The following KCNH5 variants were observed in gnomAD, a reference collection of about 807,000 sequenced individuals.
The protein encoded by KCNH5 is voltage-gated delayed rectifier potassium channel KCNH5.
A neutral mutation model predicts 96.1 loss-of-function variants in KCNH5; 46 were observed. The ratio of observed to expected loss-of-function variants is 0.48; its 90% CI spans 0.38 to 0.61. The LOEUF is 0.61. Among genes scored for constraint, KCNH5 ranks in the 20% least tolerant of loss-of-function variants. The pLI, the probability that KCNH5 is intolerant of heterozygous loss-of-function variation, is 0.00. For missense variants in KCNH5, 907 were observed against 1,225.8 expected, an observed-to-expected ratio of 0.74 and a Z score of 3.88; for synonymous variants, 439 against 449.8, an observed-to-expected ratio of 0.98 and a Z score of 0.30.
chr14:62,752,116 T>G (rs1045154508), intron 10 of KCNH5, among the ~76,000 whole-genome samples: 13 of 152,174 alleles, frequency 8.5e-5, no homozygotes, highest in African/African-American at 2.9e-4. Flanking sequence ...GATTGCCCCT[T>G]TGATAGTTCC....
intron 8 of KCNH5, among the ~76,000 whole-genome samples, chr14:62,834,826 G>C (rs928263605): frequency 4.6e-5 from 7 of 151,928 alleles, no homozygotes; most frequent in Non-Finnish European, 5.9e-5. Flanking sequence ...GTTTTACTGG[G>C]ACACAACAAT....
At chr14:63,023,380 A>C (rs192007367) in intron 1 of KCNH5, among the ~76,000 whole-genome samples, 11 of 152,214 alleles carry the variant, frequency 7.2e-5, no homozygotes, top group Non-Finnish European at 1.5e-4. Context: ...GAACTAATAC[A>C]TTTTTGCAGG....
chr14:62,946,781 G>C (rs552660974), intron 7 of KCNH5, among the ~76,000 whole-genome samples: 1 of 152,178 alleles, frequency 6.6e-6, no homozygotes, highest in East Asian at 1.9e-4. Flanking sequence ...AACTTAGATG[G>C]ATCTCAGGGG....
chr14:62,943,472 G>T (rs754506508), intron 7 of KCNH5, among the ~76,000 whole-genome samples: 11 of 152,090 alleles, frequency 7.2e-5, no homozygotes, highest in Non-Finnish European at 2.9e-5. Context: ...TCAATAATAA[G>T]ATTATGTAAA....
chr14:62,789,780 A>AT (rs1886393802), intron 9 of KCNH5, among the ~76,000 whole-genome samples: 1 of 151,502 alleles, frequency 6.6e-6, no homozygotes, highest in African/African-American at 2.4e-5. Flanking sequence ...AGGGTTATTT[A>AT]TTTTCTGCTA....
chr14:63,027,525 G>C (rs558486111), intron 1 of KCNH5, among the ~76,000 whole-genome samples: 192 of 150,078 alleles, frequency 1.3e-3, no homozygotes, highest in Non-Finnish European at 2.3e-3. Flanking sequence ...TTGACTATGT[G>C]AGCAAATACT....
At chr14:62,903,566 CTT>C (rs1888970531) in intron 7 of KCNH5, among the ~76,000 whole-genome samples, 1 of 152,168 alleles carries the variant, frequency 6.6e-6, no homozygotes, top group Admixed American at 6.5e-5. Context: ...GTAAGGTCCT[CTT>C]CAGTTGTCGC....
chr14:62,928,221 C>T (rs1290435129), intron 7 of KCNH5, among the ~76,000 whole-genome samples: 2 of 152,028 alleles, frequency 1.3e-5, no homozygotes, highest in African/African-American at 4.8e-5. Context: ...AGAAGTCATG[C>T]GGTGATAACC....
chr14:62,765,567 A>G (rs1007602009), intron 10 of KCNH5, among the ~76,000 whole-genome samples: 3 of 152,146 alleles, frequency 2.0e-5, no homozygotes, highest in African/African-American at 7.2e-5. Context: ...GAAACTATCA[A>G]CAGAGTAAAC....
At chr14:62,749,936 AG>A in intron 10 of KCNH5, among the ~76,000 whole-genome samples, 1 of 152,342 alleles carries the variant, frequency 6.6e-6, no homozygotes, top group Non-Finnish European at 1.5e-5. Flanking sequence ...GTAAGCGCTT[AG>A]GCAGCCCAAA....
chr14:62,887,946 A>C (rs564325363), intron 7 of KCNH5, among the ~76,000 whole-genome samples: 177 of 152,312 alleles, frequency 1.2e-3, no homozygotes, highest in African/African-American at 4.1e-3. Context: ...TCCTTAAAAC[A>C]AGAAGGATAA....
intron 8 of KCNH5, among the ~76,000 whole-genome samples, chr14:62,833,835 G>A (rs28616587): frequency 0.11 from 16,355 of 151,740 alleles, 1,114 homozygotes; most frequent in East Asian, 0.3. Flanking sequence ...AAATCTCCAC[G>A]TATGTATGAG....
At chr14:62,712,692 G>T in intron 10 of KCNH5, 1 of 779,126 alleles carries the variant, frequency 1.3e-6, no homozygotes, top group South Asian at 1.4e-5. Context: ...ACCCTTCACA[G>T]AGCGTTTGCC....
chr14:62,783,464 G>T (rs575597739), intron 9 of KCNH5, among the ~76,000 whole-genome samples: 69 of 152,108 alleles, frequency 4.5e-4, no homozygotes, highest in African/African-American at 1.5e-3. Context: ...TCAAGAGATA[G>T]AAAAAAGGTT....
At chr14:62,797,025 A>G (rs1303995846) in intron 9 of KCNH5, among the ~76,000 whole-genome samples, 2 of 152,176 alleles carry the variant, frequency 1.3e-5, no homozygotes, top group Non-Finnish European at 2.9e-5. Flanking sequence ...AGTTTCCAAC[A>G]TGAATTTTCC....
intron 7 of KCNH5, among the ~76,000 whole-genome samples, chr14:62,926,533 G>C (rs1283815859): frequency 6.6e-6 from 1 of 152,098 alleles, no homozygotes; most frequent in Non-Finnish European, 1.5e-5. Context: ...AGACTGAGTG[G>C]CTTGAACAAC....
chr14:62,968,440 C>A (rs1379291926), intron 6 of KCNH5, among the ~76,000 whole-genome samples: 1 of 152,138 alleles, frequency 6.6e-6, no homozygotes, highest in Non-Finnish European at 1.5e-5. Flanking sequence ...GGAGGCTTAA[C>A]CCTAGGGTAA....
chr14:62,957,735 T>C (rs1566721705), intron 6 of KCNH5, among the ~76,000 whole-genome samples: 2 of 152,206 alleles, frequency 1.3e-5, no homozygotes, highest in Non-Finnish European at 2.9e-5. Flanking sequence ...CAAGACTCAC[T>C]AGGCTTTGGG....
At position 62,804,193 on chromosome 14, in the gene KCNH5, T is replaced by C. The variant is rs768232353; in HGVS notation, c.1570-1612A>G. Among the ~76,000 whole-genome samples the C allele has an allele frequency of 1.6e-4, 24 of 152,312 alleles. No homozygotes were observed. The South Asian group carries it at 1.7e-3, about 11-fold the overall frequency. ...ACATTTCACATTATTTAATCATCTC[T>C]GGGTTTTTTTCATACTCCCTCAAAT... On this transcript the variant is annotated intron_variant, in intron 8 of 10. Coordinates refer to ENST00000322893, the MANE Select transcript of KCNH5 (RefSeq NM_139318.5).
Sources: allele counts gnomAD v4.1 joint callset (sites outside exome capture counted in the v4.1 genomes callset), GRCh38; gene constraint gnomAD v4.1.1; transcripts MANE v1.5; gene names NCBI Gene and HGNC (gene_info 2026-07-23, HGNC 2026-07-21).